Variants in ZNF582 observed in about 807,000 individuals in gnomAD.
The protein encoded by ZNF582 is zinc finger protein 582.
In ZNF582, 14 loss-of-function variants were observed where a neutral mutation model predicts 12.3. The ratio of observed to expected loss-of-function variants is 1.14; its 90% CI spans 0.75 to 1.78. The LOEUF is 1.78. Among genes scored for constraint, ZNF582 ranks in the 40% most tolerant of loss-of-function variants. The probability of loss-of-function intolerance (pLI) is 0.00; values close to 1 mark genes in which losing one functional copy is unlikely to be tolerated. For missense variants in ZNF582, 567 were observed against 616.5 expected (o/e 0.92, Z 0.85); for synonymous variants, 210 against 207.2 (o/e 1.01, Z -0.11).
At chr19:56,384,069 G>C in exon 5 of ZNF582, 1 of 1,610,920 alleles carries the variant, frequency 6.2e-7, no homozygotes, top group South Asian at 1.1e-5. Context: ...TATTCATAGG[G>C]CTTTTTCTCA....
intron 2 of ZNF582, 145 bp from the exon 3 acceptor site, chr19:56,390,646 G>C (rs2042007763): frequency 1.3e-6 from 1 of 778,350 alleles, no homozygotes; most frequent in Admixed American, 2.6e-5. Context: ...CAGAAGAAAT[G>C]GGGATGAGTA....
At chr19:56,387,601 T>G (rs1433950867) in intron 4 of ZNF582, 1 of 152,178 alleles carries the variant, frequency 6.6e-6, no homozygotes, top group South Asian at 2.1e-4. Context: ...CTCTTTCTCT[T>G]TCTTTTTTGC....
At position 56,384,015 on chromosome 19, in the gene ZNF582, G is replaced by C; in HGVS notation, c.1402C>G (p.Gln468Glu). The C allele has an allele frequency of 6.2e-7, 1 of 1,613,758 alleles. No homozygotes were observed. The highest frequency in any genetic ancestry group is 8.5e-7 in the Non-Finnish European group (1 of 1,179,926). Residue 468 changes from glutamine (Q) to glutamate (E), a missense_variant, in exon 5 of 5, where the codon CAA becomes GAA. Physicochemically the swap from Gln to Glu is conservative, Grantham distance 29. Coordinates refer to ENST00000586929, the Ensembl canonical transcript of ZNF582. ...TCTCTATTATGCATTCTCTGAGGTT[G>C]AACGGTAGTTGAATCATGACTCAAG... is the stretch of plus-strand genomic sequence containing the variant.
At chr19:56,390,395 T>G (rs375385104) in exon 3 of ZNF582, 1 of 1,614,074 alleles carries the variant, frequency 6.2e-7, no homozygotes, top group African/African-American at 1.3e-5. Flanking sequence ...CAGGTTGCTG[T>G]AGGTCTCCAA....
chr19:56,384,753 A>C, exon 5 of ZNF582: 1 of 1,601,458 alleles, frequency 6.2e-7, no homozygotes, highest in African/African-American at 1.4e-5. Context: ...TTCTTACCAG[A>C]ATGAATATTC....
Position 56,384,053 on chromosome 19 carries a change from TC to T in ZNF582, c.1363del (p.Glu455AsnfsTer6). On this transcript the variant is annotated frameshift_variant, in exon 5 of 5. Transcript: ENST00000586929. LOFTEE classifies it low-confidence loss of function (END_TRUNC). ...ATCATGACTCAAGGTCTTCTCACAT[TC>T]CTTATATTCATAGGGCTTTTTCTCA... 6.2e-7 allele frequency: 1 copy of T among 1,611,782 alleles called. No homozygotes were observed. Among genetic ancestry groups the T allele is most frequent in the Non-Finnish European group, 8.5e-7 (1 of 1,179,196 alleles).
exon 3 of ZNF582, chr19:56,390,468 A>G: frequency 6.2e-7 from 1 of 1,614,144 alleles, no homozygotes; most frequent in Non-Finnish European, 8.5e-7. Flanking sequence ...TCTTGGGAGA[A>G]GACTATGGCC....
intron 4 of ZNF582, chr19:56,387,409 T>A (rs1419209797): frequency 6.6e-6 from 1 of 152,244 alleles, no homozygotes; most frequent in Non-Finnish European, 1.5e-5. Flanking sequence ...TCTGTCAGCA[T>A]GTCACATTTA....
In ZNF582 at chr19:56,388,781, T is replaced by C. The variant is rs149897886; in HGVS notation, c.232+1220A>G. Among the ~76,000 whole-genome samples, 1,338 of 152,058 alleles carry C rather than the reference T, an allele frequency of 8.8e-3. 19 individuals are homozygous for C. The highest frequency in any genetic ancestry group is 0.03 in the African/African-American group (1,266 of 41,522). On this transcript the variant is annotated intron_variant, in intron 4 of 4. Coordinates refer to ENST00000586929, the Ensembl canonical transcript of ZNF582. ...CCAAGTAGCTGGGATTATAGGCACG[T>C]GCCACCACACCCGGCTAATTTTTGT... is the stretch of plus-strand genomic sequence containing the variant.
At chr19:56,386,502 T>G (rs146895620) in intron 4 of ZNF582, 1 of 152,488 alleles carries the variant, frequency 6.6e-6, no homozygotes, top group East Asian at 1.9e-4. Flanking sequence ...TTAGGCCAGT[T>G]GATTGAGGGT....
exon 5 of ZNF582, chr19:56,384,384 C>T: frequency 6.2e-7 from 1 of 1,608,172 alleles, no homozygotes; most frequent in Non-Finnish European, 8.5e-7. Context: ...AAAGCCTTCC[C>T]ACATTCCTTA....
At chr19:56,388,174 G>A (rs1392193142) in intron 4 of ZNF582, 1 of 152,128 alleles carries the variant, frequency 6.6e-6, no homozygotes, top group East Asian at 1.9e-4. Flanking sequence ...GAACCCAGGA[G>A]CCAGTTTGAA....
In ZNF582 at chr19:56,390,359, G is replaced by A; in HGVS notation, c.136+16C>T. ...CCCAAGGATAACCTCCAAACTAACA[G>A]ACGAGATCACCTTACCCAGTGAGAC... is the stretch of plus-strand genomic sequence containing the variant. On this transcript the variant is annotated intron_variant, in intron 3 of 4. Transcript: ENST00000586929. The A allele has an allele frequency of 6.2e-7, 1 of 1,614,068 alleles. No homozygotes were observed. The highest frequency in any genetic ancestry group is 8.5e-7 in the Non-Finnish European group (1 of 1,180,006).
At chr19:56,383,545 A>T in exon 5 of ZNF582, 1 of 203,634 alleles carries the variant, frequency 4.9e-6, no homozygotes, top group Non-Finnish European at 9.7e-6. Flanking sequence ...TGGTAATTGC[A>T]TGATTTCTTT....
At chr19:56,384,271 G>A (rs1301576425) in exon 5 of ZNF582, 1 of 1,613,962 alleles carries the variant, frequency 6.2e-7, no homozygotes, top group Admixed American at 1.7e-5. Flanking sequence ...GATGTTGCTT[G>A]AGTTGTGAGC....
intron 1 of ZNF582, among the ~76,000 whole-genome samples, chr19:56,392,180 A>G (rs1317793708): frequency 6.6e-6 from 1 of 152,254 alleles, no homozygotes; most frequent in Admixed American, 6.5e-5. Flanking sequence ...GAAGGCCTGC[A>G]TCATTTGCAT....
chr19:56,390,255 G>A (rs566439800), intron 3 of ZNF582, 120 bp downstream of exon 3: 57 of 1,488,062 alleles, frequency 3.8e-5, no homozygotes, highest in Middle Eastern at 2.1e-4. Context: ...AGCCGACAGC[G>A]CCGCCCTTTA....
chr19:56,392,782 G>T (rs2904016), intron 1 of ZNF582, among the ~76,000 whole-genome samples: 83,991 of 151,990 alleles, frequency 0.55, 23,706 homozygotes, highest in East Asian at 0.9. Context: ...ACCAGTTCTT[G>T]AGCTCACTGT....
At chr19:56,384,040 G>C (rs200536667) in exon 5 of ZNF582, 372 of 1,612,816 alleles carry the variant, frequency 2.3e-4, no homozygotes, top group Middle Eastern at 1.6e-3. Context: ...CATGACTCAA[G>C]GTCTTCTCAC....
Sources: allele counts gnomAD v4.1 joint callset (sites outside exome capture counted in the v4.1 genomes callset), GRCh38; gene constraint gnomAD v4.1.1; transcripts MANE v1.5; gene names NCBI Gene and HGNC (gene_info 2026-07-23, HGNC 2026-07-21).